Variants in TENT4B observed in about 807,000 individuals in gnomAD.
TENT4B encodes terminal nucleotidyltransferase 4B, also known as PAP associated domain containing 5.
In TENT4B, 10 loss-of-function variants were observed where a neutral mutation model predicts 75.0. The observed-to-expected ratio is 0.13, with a 90% CI of 0.08 to 0.23. The LOEUF (loss-of-function observed/expected upper bound fraction) is 0.23. Among genes scored for constraint, TENT4B ranks in the 10% least tolerant of loss-of-function variants. The probability of loss-of-function intolerance (pLI) is 1.00; values close to 1 mark genes in which losing one functional copy is unlikely to be tolerated. For missense variants in TENT4B, 579 were observed against 893.8 expected (o/e 0.65, Z 4.49); for synonymous variants, 350 against 357.7 (o/e 0.98, Z 0.24).
chr16:50,215,515 A>G (rs7201510), intron 3 of TENT4B, among the ~76,000 whole-genome samples: 358 of 152,352 alleles, frequency 2.3e-3, no homozygotes, highest in African/African-American at 8.1e-3. Context: ...ACATTTGGAA[A>G]AGGCACAAAA....
chr16:50,169,332 C>T (rs967389230), intron 1 of TENT4B, among the ~76,000 whole-genome samples: 3 of 149,050 alleles, frequency 2.0e-5, no homozygotes, highest in Admixed American at 6.7e-5. Flanking sequence ...CCCTTTTTCC[C>T]CTGTATTTTC....
chr16:50,154,239 C>A lies in TENT4B; in HGVS notation c.618C>A (p.Asn206Lys). The part of the protein sequence containing the change: ...VYSGTPWKRR[N>K]YNQGVVGLHE... The stretch of plus-strand genomic sequence containing the variant: ...GCGGGACCCCGTGGAAACGGAGGAA[C>A]TACAACCAGGGAGTCGTGGGGTGAG... The change falls in exon 1 of 12, where the codon AAC (asparagine) becomes AAA (lysine). Residue 206 changes from asparagine to lysine, a missense_variant. By Grantham distance (94) the Asn-to-Lys change is moderately conservative (BLOSUM62 0). Coordinates refer to ENST00000561678, the MANE Select transcript of TENT4B (RefSeq NM_001365324.3). 1 of 1,455,032 alleles carries A rather than the reference C, an allele frequency of 6.9e-7. No homozygotes were observed. The highest frequency in any genetic ancestry group is 1.4e-5 in the South Asian group (1 of 71,690). The allele number at this position is 1,455,032 out of a possible 1,614,324, so 90.1% of individuals were successfully genotyped here.
chr16:50,203,134 A>T (rs1038862056), intron 1 of TENT4B, among the ~76,000 whole-genome samples: 10 of 152,242 alleles, frequency 6.6e-5, no homozygotes, highest in Non-Finnish European at 1.0e-4. Context: ...CTTAGCCATG[A>T]TTCACTGTTG....
At chr16:50,212,773 C>T (rs1354698924) in intron 2 of TENT4B, among the ~76,000 whole-genome samples, 1 of 152,142 alleles carries the variant, frequency 6.6e-6, no homozygotes, top group Admixed American at 6.5e-5. Flanking sequence ...TGACTGGGTA[C>T]GCACTGCTAG....
chr16:50,166,827 A>C (rs2150676372), intron 1 of TENT4B, among the ~76,000 whole-genome samples: 1 of 134,370 alleles, frequency 7.4e-6, no homozygotes, highest in East Asian at 2.1e-4. Flanking sequence ...ACAGAGTCTC[A>C]CCTTATTGCC....
rs1338795617 is a variant in TENT4B, at chr16:50,230,796, A to G, written c.*1468A>G. 1.0e-6 allele frequency: 1 copy of G among 985,504 alleles called. No individual in the cohort carries two copies. Among genetic ancestry groups the G allele is most frequent in the East Asian group, 1.1e-4 (1 of 8,820 alleles). 61.0% of individuals were successfully genotyped at this position (985,504 alleles called of 1,614,324 possible). ...GTTTGAAACTCAGTTGGGAATATTT[A>G]ATATAATAGAATGTAAGTGACATTT... is the stretch of plus-strand genomic sequence containing the variant. On this transcript the variant is annotated 3_prime_UTR_variant, in exon 12 of 12. Transcript: ENST00000561678.
At chr16:50,159,781 G>T (rs1277309140) in intron 1 of TENT4B, among the ~76,000 whole-genome samples, 1 of 152,160 alleles carries the variant, frequency 6.6e-6, no homozygotes, top group East Asian at 1.9e-4. Context: ...CTTTTAAGAA[G>T]ACATTAGGTT....
intron 1 of TENT4B, among the ~76,000 whole-genome samples, chr16:50,202,604 C>T (rs565277139): frequency 1.2e-3 from 189 of 152,246 alleles, no homozygotes; most frequent in Non-Finnish European, 1.9e-3. Context: ...GGAATACCAT[C>T]AACCGTTCTT....
intron 1 of TENT4B, among the ~76,000 whole-genome samples, chr16:50,172,875 T>G (rs2038232744): frequency 6.6e-6 from 1 of 152,222 alleles, no homozygotes; most frequent in Admixed American, 6.5e-5. Flanking sequence ...TAGTTTTACC[T>G]TTTACAGAAT....
intron 1 of TENT4B, among the ~76,000 whole-genome samples, chr16:50,195,106 A>G (rs952020701): frequency 2.0e-5 from 3 of 152,136 alleles, no homozygotes; most frequent in South Asian, 2.1e-4. Context: ...TTGATTTTCT[A>G]TGTGATCTTA....
At chr16:50,227,160 C>T (rs968361676) in intron 10 of TENT4B, among the ~76,000 whole-genome samples, 2 of 152,150 alleles carry the variant, frequency 1.3e-5, no homozygotes, top group African/African-American at 4.8e-5. Flanking sequence ...ATCATAAATC[C>T]TCCTGTGCAG....
chr16:50,180,764 G>T (rs370961605), intron 1 of TENT4B, among the ~76,000 whole-genome samples: 10 of 151,768 alleles, frequency 6.6e-5, no homozygotes, highest in East Asian at 5.8e-4. Flanking sequence ...GCCCAAAGGC[G>T]CTATTAAACT....
At chr16:50,196,763 C>CAA (rs5816681) in intron 1 of TENT4B, among the ~76,000 whole-genome samples, 5 of 138,700 alleles carry the variant, frequency 3.6e-5, no homozygotes, top group Middle Eastern at 3.4e-3. Context: ...CCTGTCTCTA[C>CAA]AAAAAAAAAA....
intron 1 of TENT4B, among the ~76,000 whole-genome samples, chr16:50,175,713 G>A (rs1201661933): frequency 9.2e-5 from 14 of 151,756 alleles, no homozygotes; most frequent in Admixed American, 4.6e-4. Context: ...CTCGTGATCC[G>A]CCCGCCTCAG....
chr16:50,167,717 G>A (rs1246213037), intron 1 of TENT4B, among the ~76,000 whole-genome samples: 1 of 151,254 alleles, frequency 6.6e-6, no homozygotes, highest in African/African-American at 2.4e-5. Flanking sequence ...GAGTGCAGTG[G>A]TGTGATCTTG....
chr16:50,229,754 T>C lies in TENT4B; in HGVS notation c.*426T>C. The C allele has an allele frequency of 1.6e-5, 16 of 986,540 alleles. No individual in the cohort carries two copies. The highest frequency in any genetic ancestry group is 1.9e-5 in the Non-Finnish European group (16 of 830,400). The allele number at this position is 986,540 out of a possible 1,614,324, so 61.1% of individuals were successfully genotyped here. ...AAAGGTATCTGATAGGAAGTCCAGA[T>C]TCCAAAGGGGAAAGTGATCTGTGCA... is the stretch of plus-strand genomic sequence containing the variant. On this transcript the variant is annotated 3_prime_UTR_variant, in exon 12 of 12. Transcript: ENST00000561678.
At chr16:50,195,903 T>G (rs749833193) in intron 1 of TENT4B, among the ~76,000 whole-genome samples, 3 of 152,228 alleles carry the variant, frequency 2.0e-5, no homozygotes, top group Non-Finnish European at 4.4e-5. Context: ...TTTACAGGGC[T>G]AATGAGTAAG....
At chr16:50,228,450 T>TAA (rs2032152750) in intron 11 of TENT4B, among the ~76,000 whole-genome samples, 1 of 152,214 alleles carries the variant, frequency 6.6e-6, no homozygotes, top group African/African-American at 2.4e-5. Context: ...AGCTTGGACT[T>TAA]AAAAGGCCAC....
Position 50,233,539 on chromosome 16 carries a change from A to T in TENT4B, c.*4211A>T. 1 of 985,168 alleles carries T rather than the reference A, an allele frequency of 1.0e-6. No homozygotes were observed. Among genetic ancestry groups the T allele is most frequent in the Non-Finnish European group, 1.2e-6 (1 of 829,768 alleles). The allele number at this position is 985,168 out of a possible 1,614,324, so 61.0% of individuals were successfully genotyped here. A position where few individuals can be genotyped will look rare whatever the true frequency, so the allele number is the denominator to read the frequency against. On this transcript the variant is annotated 3_prime_UTR_variant, in exon 12 of 12. Transcript: ENST00000561678. ...GTCAAAGATAATGAGCTAAATATAT[A>T]TAGACGTTGAATGTTGACAAAATTA...
Sources: allele counts gnomAD v4.1 joint callset (sites outside exome capture counted in the v4.1 genomes callset), GRCh38; gene constraint gnomAD v4.1.1; transcripts MANE v1.5; gene names NCBI Gene and HGNC (gene_info 2026-07-23, HGNC 2026-07-21).